The following GRIK3 variants were observed in gnomAD, a reference collection of about 807,000 sequenced individuals.
The protein encoded by GRIK3 is glutamate receptor ionotropic, kainate 3.
Under a neutral mutation model 102.5 loss-of-function variants are expected in GRIK3, and 29 were observed. The observed-to-expected ratio is 0.28, with a 90% CI of 0.21 to 0.39. GRIK3 has a LOEUF of 0.39. Among genes scored for constraint, GRIK3 ranks in the 10% least tolerant of loss-of-function variants. The pLI is 1.00. For missense variants in GRIK3, 908 were observed against 1,252.4 expected (o/e 0.73, Z 4.15); for synonymous variants, 511 against 504.9 (o/e 1.01, Z -0.16).
At chr1:36,808,975 G>A (rs1203922282) in intron 13 of GRIK3, among the ~76,000 whole-genome samples, 1 of 152,090 alleles carries the variant, frequency 6.6e-6, no homozygotes, top group Admixed American at 6.5e-5. Flanking sequence ...CTGGTTATTG[G>A]AACCTAAATA....
At chr1:37,013,379 G>A (rs1019922212) in intron 1 of GRIK3, among the ~76,000 whole-genome samples, 29 of 152,142 alleles carry the variant, frequency 1.9e-4, no homozygotes, top group South Asian at 1.7e-3. Context: ...CAGACAGCCC[G>A]GCATCTTGTC....
At chr1:37,017,944 A>G (rs1407604903) in intron 1 of GRIK3, among the ~76,000 whole-genome samples, 1 of 152,162 alleles carries the variant, frequency 6.6e-6, no homozygotes, top group Non-Finnish European at 1.5e-5. Flanking sequence ...CTCCACCCTC[A>G]GGTCATGCTG....
Position 36,880,593 on chromosome 1 carries a change from C to G in GRIK3, c.550+41G>C, listed in dbSNP as rs771734705. ...AGCTTGATCCTGGGCCTCTGCCCCCCTCAACCGTTGCCCCCAGCCTAGCCA... is the reference window on the plus strand; with the variant it reads ...AGCTTGATCCTGGGCCTCTGCCCCCGTCAACCGTTGCCCCCAGCCTAGCCA... On this transcript the variant is annotated intron_variant, in intron 3 of 15. Transcript: ENST00000373091. This position sits in a 1 kb window ranked among gnomAD's most constrained non-coding sequence, Gnocchi z 5.4. The G allele has an allele frequency of 1.9e-5, 30 of 1,602,166 alleles. No homozygotes were observed. Among genetic ancestry groups the G allele is most frequent in the Admixed American group, 5.0e-5 (3 of 59,878 alleles).
chr1:36,959,306 CCTCTGTGCCCCATGA>C lies in GRIK3; in HGVS notation c.116-68225_116-68211del. On this transcript the variant is annotated intron_variant, in intron 1 of 15. Transcript: ENST00000373091. ...TGCCTGTGAGCCTGTGCCCTGTGAG[CCTCTGTGCCCCATGA>C]CTCTGTGTGCCCGGTGAGCCTGTGT... Among the ~76,000 whole-genome samples the C allele has an allele frequency of 1.7e-5, 2 of 115,692 alleles. 1 individual carries two copies. The highest frequency in any genetic ancestry group is 7.4e-4 in the East Asian group (2 of 2,690). The allele number at this position is 115,692 out of a possible 152,430, so 75.9% of individuals were successfully genotyped here. A position where few individuals can be genotyped will look rare whatever the true frequency, so the allele number is the denominator to read the frequency against.
At chr1:37,029,173 C>T (rs1255303376) in intron 1 of GRIK3, among the ~76,000 whole-genome samples, 3 of 152,200 alleles carry the variant, frequency 2.0e-5, no homozygotes, top group East Asian at 1.9e-4. Flanking sequence ...AAGGCCAAGG[C>T]GCCAGCCCCA....
chr1:36,962,021 C>T (rs1642016205), intron 1 of GRIK3, among the ~76,000 whole-genome samples: 1 of 151,738 alleles, frequency 6.6e-6, no homozygotes, highest in Admixed American at 6.6e-5. Context: ...CTGATCCAGA[C>T]ATGCTGGTGG....
intron 1 of GRIK3, among the ~76,000 whole-genome samples, chr1:36,951,542 C>T (rs933940577): frequency 1.3e-5 from 2 of 152,208 alleles, no homozygotes; most frequent in African/African-American, 4.8e-5. Flanking sequence ...CTACTTATGT[C>T]GAACTGGCAA....
Position 36,910,254 on chromosome 1 carries a change from AG to A in GRIK3, c.116-19159del, listed in dbSNP as rs987589069. Among the ~76,000 whole-genome samples the A allele has an allele frequency of 2.9e-4, 44 of 152,318 alleles. 2 individuals are homozygous for A. Among genetic ancestry groups the A allele is most frequent in the African/African-American group, 1.0e-3 (43 of 41,576 alleles). On this transcript the variant is annotated intron_variant, in intron 1 of 15. Transcript: ENST00000373091. ...CCAGGCCCAGGCTCCATTTGTCCTC[AG>A]GGGCCTGAGCCCACTCTTTCTTTTC...
At position 36,828,084 on chromosome 1, in the gene GRIK3, A is replaced by AAAC. The variant is rs1553174966; in HGVS notation, c.1531-2259_1531-2258insGTT. 1.1e-3 allele frequency among the ~76,000 whole-genome samples: 161 copies of AAAC among 151,818 alleles called. 1 individual carries two copies. In the South Asian group the frequency reaches 0.016, roughly 15 times the overall value. On this transcript the variant is annotated intron_variant, in intron 10 of 15. Coordinates refer to ENST00000373091, the MANE Select transcript of GRIK3 (RefSeq NM_000831.4). ...TACAAAAGAAAGCAGAAAAAAAAAA[A>AAAC]AAAACTCTCAGGGAGGGTGTAGAGT...
At chr1:37,014,522 T>C (rs925769861) in intron 1 of GRIK3, among the ~76,000 whole-genome samples, 23 of 152,256 alleles carry the variant, frequency 1.5e-4, no homozygotes, top group East Asian at 3.8e-4. Flanking sequence ...GGTCTTATCA[T>C]GTGTGCCCCA....
intron 1 of GRIK3, among the ~76,000 whole-genome samples, chr1:36,948,367 C>T (rs944689462): frequency 7.2e-5 from 11 of 152,180 alleles, no homozygotes; most frequent in Non-Finnish European, 1.2e-4. Flanking sequence ...GAAAGCACCT[C>T]CTGTGTGCTG....
intron 1 of GRIK3, among the ~76,000 whole-genome samples, chr1:36,995,816 C>G (rs775102190): frequency 2.0e-5 from 3 of 152,212 alleles, no homozygotes; most frequent in Non-Finnish European, 2.9e-5. Context: ...AAAGTTCAGG[C>G]TGCATCCTTC....
At chr1:36,893,373 C>T (rs756967923) in intron 1 of GRIK3, among the ~76,000 whole-genome samples, 13 of 152,004 alleles carry the variant, frequency 8.6e-5, no homozygotes, top group Non-Finnish European at 1.5e-4. Flanking sequence ...GTGCAAAGGA[C>T]GAGTATGAAC....
chr1:36,994,598 C>G (rs1429467480), intron 1 of GRIK3, among the ~76,000 whole-genome samples: 1 of 152,210 alleles, frequency 6.6e-6, no homozygotes, highest in East Asian at 1.9e-4. Flanking sequence ...CTTCAGAACT[C>G]TCCTTTTGTG....
At chr1:37,026,860 A>G (rs1364811194) in intron 1 of GRIK3, among the ~76,000 whole-genome samples, 2 of 152,064 alleles carry the variant, frequency 1.3e-5, no homozygotes, top group African/African-American at 4.8e-5. Flanking sequence ...AAACTTAGAC[A>G]TGACATGTGA....
Position 36,983,925 on chromosome 1 carries a change from T to C in GRIK3, c.115+50069A>G, listed in dbSNP as rs1296918207. 2.0e-5 allele frequency among the ~76,000 whole-genome samples: 3 copies of C among 152,310 alleles called. No individual in the cohort carries two copies. In the East Asian group the frequency reaches 5.8e-4, roughly 29 times the overall value. On this transcript the variant is annotated intron_variant, in intron 1 of 15. Transcript: ENST00000373091. ...CTCTAGTCTCTGTCTGCCCCACTGC[T>C]GCCCACCCATGGGGGTGGGGATGCC...
At chr1:37,011,667 C>T (rs1178091770) in intron 1 of GRIK3, among the ~76,000 whole-genome samples, 2 of 152,168 alleles carry the variant, frequency 1.3e-5, no homozygotes, top group African/African-American at 4.8e-5. Flanking sequence ...CAAACATTTG[C>T]CCTTTGGTAA....
In GRIK3 at chr1:36,841,757, C is replaced by A. The variant is rs761902757; in HGVS notation, c.1509G>T (p.Met503Ile). Residue 503 changes from methionine (M) to isoleucine (I), a missense_variant, in exon 10 of 16, where the codon ATG (methionine) becomes ATT (isoleucine). Physicochemically the swap from Met to Ile is conservative, Grantham distance 10. Transcript: ENST00000373091. ...TTACGTGGTCGATGAGCTCCTTGAC[C>A]ATGCCGTTCCACTGGCCCTTGTCAT... ...AQDDKGQWNG[M>I]VKELIDHKAD... 13 of 1,614,148 alleles carry A rather than the reference C, an allele frequency of 8.1e-6. No homozygotes were observed. The highest frequency in any genetic ancestry group is 1.1e-5 in the Non-Finnish European group (13 of 1,179,962).
chr1:36,922,299 C>T (rs1641481506), intron 1 of GRIK3, among the ~76,000 whole-genome samples: 1 of 152,198 alleles, frequency 6.6e-6, no homozygotes, highest in African/African-American at 2.4e-5. Context: ...CCCAGGAAAG[C>T]CACAATGTAG....
Sources: allele counts gnomAD v4.1 joint callset (sites outside exome capture counted in the v4.1 genomes callset), GRCh38; gene constraint gnomAD v4.1.1; non-coding constraint Gnocchi (gnomAD v3.1); transcripts MANE v1.5; gene names NCBI Gene and HGNC (gene_info 2026-07-23, HGNC 2026-07-21).